CHRNA9: variants seen among roughly 807,000 people sequenced by gnomAD.
CHRNA9 encodes the protein neuronal acetylcholine receptor subunit alpha-9.
CHRNA9 carries 24 observed loss-of-function variants against 36.8 expected under a neutral mutation model. The ratio of observed to expected loss-of-function variants is 0.65; its 90% confidence interval spans 0.47 to 0.92. The LOEUF is 0.92. CHRNA9 is among the 40% of genes least tolerant of loss of function. CHRNA9 has a pLI of 0.00. For missense variants in CHRNA9, 610 were observed against 601.2 expected, an observed-to-expected ratio of 1.01 and a Z score of -0.15; for synonymous variants, 231 against 231.8, an observed-to-expected ratio of 1.00 and a Z score of 0.03.
At chr4:40,340,410 T>C (rs551904057) in intron 3 of CHRNA9, among the ~76,000 whole-genome samples, 1 of 152,308 alleles carries the variant, frequency 6.6e-6, no homozygotes, top group South Asian at 2.1e-4. Context: ...AATGGAGCTA[T>C]GGTTGGATGA....
chr4:40,344,283 C>A (rs1712576799), intron 3 of CHRNA9, among the ~76,000 whole-genome samples: 1 of 152,184 alleles, frequency 6.6e-6, no homozygotes, highest in Admixed American at 6.5e-5. Context: ...GTAATCCCAG[C>A]ACTTTGGGAG....
chr4:40,352,409 G>C (rs1292429169), intron 4 of CHRNA9, among the ~76,000 whole-genome samples: 2 of 152,072 alleles, frequency 1.3e-5, no homozygotes, highest in African/African-American at 4.8e-5. Context: ...ATTTTTAGTA[G>C]AGACGGGGTT....
intron 2 of CHRNA9, 102 bp downstream of exon 2, chr4:40,336,074 T>C: frequency 7.0e-6 from 7 of 1,002,862 alleles, no homozygotes; most frequent in South Asian, 3.1e-5. Flanking sequence ...GAGGGAATGA[T>C]AGCTCCTTAA....
intron 3 of CHRNA9, among the ~76,000 whole-genome samples, chr4:40,344,203 C>T (rs532998665): frequency 6.6e-6 from 1 of 152,274 alleles, no homozygotes; most frequent in South Asian, 2.1e-4. Flanking sequence ...TTTCTGACCT[C>T]TAGAATTGTT....
intron 3 of CHRNA9, among the ~76,000 whole-genome samples, chr4:40,339,547 G>T (rs1221452086): frequency 2.6e-5 from 4 of 151,164 alleles, no homozygotes; most frequent in African/African-American, 9.7e-5. Flanking sequence ...GCTGGGTATG[G>T]TGGCAGGCAC....
chr4:40,352,893 G>A (rs1224820910), intron 4 of CHRNA9, among the ~76,000 whole-genome samples: 1 of 152,100 alleles, frequency 6.6e-6, no homozygotes, highest in Admixed American at 6.6e-5. Flanking sequence ...TTCATTAATT[G>A]TTTGTTCGTT....
At chr4:40,347,763 A>G (rs753252471) in intron 3 of CHRNA9, 1 of 152,238 alleles carries the variant, frequency 6.6e-6, no homozygotes, top group Non-Finnish European at 1.5e-5. Flanking sequence ...CAGCTTTTCC[A>G]TGAATGTACT....
At position 40,349,777 on chromosome 4, in the gene CHRNA9, A is replaced by C. The variant is rs986496959; in HGVS notation, c.898+363A>C. ...CTACTGAATCAGACATTCTGGAGAT[A>C]AGGCCCTGGCATCCTGTTTTAACAA... On this transcript the variant is annotated intron_variant, in intron 4 of 4. Transcript: ENST00000310169. The C allele has an allele frequency of 1.5e-5, 3 of 200,654 alleles. No individual in the cohort carries two copies. In the Admixed American group the frequency reaches 1.5e-4, roughly 10 times the overall value. 12.4% of individuals were successfully genotyped at this position (200,654 alleles called of 1,614,324 possible).
chr4:40,349,110 T>C lies in CHRNA9; in HGVS notation c.594T>C (p.Ile198=). The C allele has an allele frequency of 6.2e-7, 1 of 1,614,144 alleles. No individual in the cohort carries two copies. Among genetic ancestry groups the C allele is most frequent in the Non-Finnish European group, 8.5e-7 (1 of 1,180,004 alleles). Reference sequence around the variant, plus strand: ...ACAGCGGAGATCTCTCTGACTTCATTGAAGATGTGGAATGGGAGGTCCATG... The same window carrying C: ...ACAGCGGAGATCTCTCTGACTTCATCGAAGATGTGGAATGGGAGGTCCATG... ...ALDSGDLSDF[I]EDVEWEVHGM... is the part of the protein sequence containing the mutation. Residue 198 remains isoleucine (I), a synonymous_variant, in exon 4 of 5, where the codon ATT becomes ATC. Transcript: ENST00000310169.
intron 3 of CHRNA9, among the ~76,000 whole-genome samples, chr4:40,347,319 A>C (rs1712662756): frequency 6.6e-6 from 1 of 152,188 alleles, no homozygotes; most frequent in Admixed American, 6.5e-5. Flanking sequence ...ATTTAACTTA[A>C]GGAAAGGGTC....
At chr4:40,344,908 G>A (rs1712594660) in intron 3 of CHRNA9, among the ~76,000 whole-genome samples, 1 of 152,234 alleles carries the variant, frequency 6.6e-6, no homozygotes, top group Non-Finnish European at 1.5e-5. Context: ...TGGAGAGGCA[G>A]GGAAGGCTTC....
rs55998310 is a variant in CHRNA9 at position 40,337,233 on chromosome 4, T to C, written c.234T>C (p.Thr78=). 7.5e-3 allele frequency: 12,174 copies of C among 1,614,194 alleles called. 60 individuals carry two copies. The highest frequency in any genetic ancestry group is 0.018 in the Middle Eastern group (107 of 6,062). Residue 78 remains threonine, a synonymous_variant, in exon 3 of 5, where the codon ACT becomes ACC. Coordinates refer to ENST00000310169, the MANE Select transcript of CHRNA9 (RefSeq NM_017581.4). ...AGGATGAAAGAAACCAAATTCTGACTGCTTATTTGTGGATCCGCCAAATCT... is the reference window on the plus strand; with the variant it reads ...AGGATGAAAGAAACCAAATTCTGACCGCTTATTTGTGGATCCGCCAAATCT... ...KDMDERNQIL[T]AYLWIRQIWH...
At chr4:40,344,658 A>G (rs1056933972) in intron 3 of CHRNA9, among the ~76,000 whole-genome samples, 11 of 152,324 alleles carry the variant, frequency 7.2e-5, no homozygotes, top group African/African-American at 2.2e-4. Context: ...GCCCATTTTT[A>G]CAGGTGAGTG....
Position 40,349,071 on chromosome 4 carries a change from A to G in CHRNA9, c.555A>G (p.Ile185Met), listed in dbSNP as rs376581852. ...SWTYNGNQVD[I>M]FNALDSGDLS... ...CCTACAATGGCAATCAGGTGGACAT[A>G]TTCAACGCCTTGGACAGCGGAGATC... The change falls in exon 4 of 5, where the codon ATA (isoleucine) becomes ATG (methionine). Residue 185 changes from isoleucine (I) to methionine (M), a missense_variant. Coordinates refer to ENST00000310169, the MANE Select transcript of CHRNA9 (RefSeq NM_017581.4). 2 of 1,614,044 alleles carry G rather than the reference A, an allele frequency of 1.2e-6. No individual in the cohort carries two copies. The highest frequency in any genetic ancestry group is 1.7e-6 in the Non-Finnish European group (2 of 1,180,034).
intron 4 of CHRNA9, among the ~76,000 whole-genome samples, chr4:40,351,795 A>T (rs1173438267): frequency 6.6e-6 from 1 of 152,150 alleles, no homozygotes; most frequent in Non-Finnish European, 1.5e-5. Flanking sequence ...AAGTTTTCTG[A>T]TGTTGAACTC....
intron 3 of CHRNA9, among the ~76,000 whole-genome samples, chr4:40,338,771 G>C (rs1273131282): frequency 6.6e-6 from 1 of 152,042 alleles, no homozygotes; most frequent in Non-Finnish European, 1.5e-5. Context: ...GAATATAACA[G>C]GAAGATAACA....
chr4:40,335,549 C>A lies in CHRNA9; in HGVS notation c.64+18C>A. The A allele has an allele frequency of 1.3e-6, 2 of 1,592,098 alleles. No homozygotes were observed. The highest frequency in any genetic ancestry group is 2.2e-5 in the South Asian group (2 of 90,682). ...ACTGAGAGGTGAGAGGCTGGTGACA[C>A]GTAACCTATCTTGTCTCATCTGGGG... On this transcript the variant is annotated intron_variant, in intron 1 of 4. Transcript: ENST00000310169.
intron 4 of CHRNA9, among the ~76,000 whole-genome samples, chr4:40,353,157 T>C (rs188966163): frequency 3.6e-4 from 55 of 151,890 alleles, no homozygotes; most frequent in Non-Finnish European, 7.5e-4. Context: ...GTCTAGGGAG[T>C]GATAAAGCTG....
intron 4 of CHRNA9, 103 bp downstream of exon 4, chr4:40,349,517 T>A: frequency 8.9e-7 from 1 of 1,122,992 alleles, no homozygotes; most frequent in East Asian, 2.4e-5. Flanking sequence ...TGGAGCCAAT[T>A]TCGACTCAAT....
Sources: gnomAD v4.1 joint callset for allele counts (sites outside exome capture counted in the v4.1 genomes callset) on GRCh38, gnomAD v4.1.1 for gene constraint, MANE v1.5 for transcripts, NCBI Gene and HGNC (gene_info 2026-07-23, HGNC 2026-07-21) for gene names.